Variants in BCAR1 observed in about 807,000 individuals in gnomAD.
The protein encoded by BCAR1 is BCAR1 scaffold protein, Cas family member.
BCAR1 carries 30 observed loss-of-function variants against 67.6 expected under a neutral mutation model. The ratio of observed to expected loss-of-function variants is 0.44; its 90% CI spans 0.33 to 0.60. The LOEUF (loss-of-function observed/expected upper bound fraction) is 0.60, where lower values mean the gene tolerates loss of function less well. Among genes scored for constraint, BCAR1 ranks in the 20% least tolerant of loss-of-function variants. The pLI is 0.02. For missense variants in BCAR1, 1,313 were observed against 1,222.3 expected (o/e 1.07, Z -1.11); for synonymous variants, 626 against 556.7 (o/e 1.12, Z -1.75).
chr16:75,251,829 G>A (rs924171795), upstream of BCAR1: 2 of 218,504 alleles, frequency 9.2e-6, no homozygotes, highest in African/African-American at 4.8e-5. Context: ...GCCCCTGCCC[G>A]AGGCCAGGCT....
chr16:75,229,938 G>A lies in BCAR1; in HGVS notation c.2186C>T (p.Ala729Val). The A allele has an allele frequency of 1.2e-6, 2 of 1,604,400 alleles. No individual in the cohort carries two copies. The highest frequency in any genetic ancestry group is 1.7e-6 in the Non-Finnish European group (2 of 1,173,356). The change falls in exon 7 of 7, where the codon GCC (alanine) becomes GTC (valine). Residue 729 changes from alanine to valine, a missense_variant. By Grantham distance (64) the Ala-to-Val change is moderately conservative (BLOSUM62 0). This residue lies in a region of BCAR1 where 1,272 missense variants were observed against 1,137.5 expected (regional missense o/e 1.12). Transcript: ENST00000162330. ...LANWTPAQPL[A>V]PGRTGGLGPS... The stretch of plus-strand genomic sequence containing the variant: ...CCCCAGGCCGCCTGTTCGCCCCGGG[G>A]CCAGGGGTTGGGCTGGCGTCCAGTT...
upstream of BCAR1, among the ~76,000 whole-genome samples, chr16:75,255,516 C>T (rs545643732): frequency 6.6e-6 from 1 of 151,878 alleles, no homozygotes; most frequent in Non-Finnish European, 1.5e-5. Context: ...TCCAACATGG[C>T]GAAACTCCGT....
Position 75,237,219 on chromosome 16 carries a change from C to G in BCAR1, c.759G>C (p.Pro253=). ...ACTGGCTGGGAAGCAGCCCCCGAAC[C>G]GGGGGCACATCATAGATGTCCTGTG... ...PGPQDIYDVP[P]VRGLLPSQYG... The change falls in exon 3 of 7, where the codon CCG becomes CCC. Residue 253 remains proline, a synonymous_variant. Transcript: ENST00000162330. 6.4e-7 allele frequency: 1 copy of G among 1,567,232 alleles called. No individual in the cohort carries two copies. The highest frequency in any genetic ancestry group is 1.4e-5 in the African/African-American group (1 of 73,406).
chr16:75,230,803 T>C (rs1355974839), intron 6 of BCAR1, among the ~76,000 whole-genome samples: 1 of 152,236 alleles, frequency 6.6e-6, no homozygotes, highest in Non-Finnish European at 1.5e-5. Flanking sequence ...AACCTCGCAC[T>C]GTCCCCCTTA....
chr16:75,247,820 C>T (rs1031156567), intron 1 of BCAR1: 7 of 565,106 alleles, frequency 1.2e-5, no homozygotes, highest in Non-Finnish European at 1.6e-5. Context: ...AATATGACCT[C>T]AGCACCCGCA....
Position 75,251,483 on chromosome 16 carries a change from G to A in BCAR1, c.-1C>T. Reference sequence around the variant, plus strand: ...CTGGCGCCCTCACCAGGTGGTTCATGGTGTCCGGCGGGCCTGGGGCCCCGG... The same window carrying A: ...CTGGCGCCCTCACCAGGTGGTTCATAGTGTCCGGCGGGCCTGGGGCCCCGG... On this transcript the variant is annotated 5_prime_UTR_variant, in exon 1 of 7. Transcript: ENST00000162330. The A allele has an allele frequency of 1.4e-6, 2 of 1,405,910 alleles. No homozygotes were observed. Among genetic ancestry groups the A allele is most frequent in the South Asian group, 1.5e-5 (1 of 67,136 alleles). The allele number at this position is 1,405,910 out of a possible 1,614,324, so 87.1% of individuals were successfully genotyped here. A position where few individuals can be genotyped will look rare whatever the true frequency, so the allele number is the denominator to read the frequency against.
upstream of BCAR1, among the ~76,000 whole-genome samples, chr16:75,255,229 C>T (rs1701660013): frequency 6.6e-6 from 1 of 152,202 alleles, no homozygotes; most frequent in African/African-American, 2.4e-5. Flanking sequence ...CACACAGCCC[C>T]CTCCCCTCCT....
At chr16:75,250,085 T>C (rs549963221) in intron 1 of BCAR1, 4 of 152,516 alleles carry the variant, frequency 2.6e-5, no homozygotes, top group African/African-American at 9.6e-5. Flanking sequence ...GGGGCCATGG[T>C]ACCAGTACAC....
intron 6 of BCAR1, among the ~76,000 whole-genome samples, chr16:75,230,511 A>G (rs1043155105): frequency 7.2e-5 from 11 of 152,372 alleles, no homozygotes; most frequent in African/African-American, 2.6e-4. Context: ...AGATTCAAAT[A>G]TATCAAACAG....
chr16:75,247,781 A>C, intron 1 of BCAR1: 1 of 489,080 alleles, frequency 2.0e-6, no homozygotes. Context: ...GGCCTGGCTC[A>C]TATCTGGCCT....
chr16:75,262,962 T>A (rs556745708), intron 1 of BCAR1, among the ~76,000 whole-genome samples: 2 of 152,334 alleles, frequency 1.3e-5, no homozygotes, highest in Admixed American at 1.3e-4. Context: ...GTAGAGGCCA[T>A]GCAGGACGAT....
chr16:75,253,345 G>A (rs577631965), upstream of BCAR1, among the ~76,000 whole-genome samples: 1 of 152,358 alleles, frequency 6.6e-6, no homozygotes, highest in East Asian at 1.9e-4. Context: ...GGGGAGACCA[G>A]GCCTCATGGG....
chr16:75,253,116 C>T (rs535825503), upstream of BCAR1, among the ~76,000 whole-genome samples: 82 of 151,940 alleles, frequency 5.4e-4, no homozygotes, highest in African/African-American at 1.9e-3. Context: ...CGACACAGCC[C>T]GCCTCGCCTC....
upstream of BCAR1, among the ~76,000 whole-genome samples, chr16:75,255,851 C>A (rs541445830): frequency 1.3e-5 from 2 of 152,020 alleles, no homozygotes; most frequent in African/African-American, 4.8e-5. Context: ...ATTAGCCGGG[C>A]GTGGTGGCAC....
intron 6 of BCAR1, 103 bp downstream of exon 6, chr16:75,233,743 A>G: frequency 1.6e-6 from 2 of 1,229,060 alleles, no homozygotes; most frequent in Non-Finnish European, 2.3e-6. Flanking sequence ...ACTGTCAGAC[A>G]ACATGAGAAG....
At position 75,235,213 on chromosome 16, in the gene BCAR1, G is replaced by C. The variant is rs769688166; in HGVS notation, c.1686C>G (p.Leu562=). 1.2e-6 allele frequency: 2 copies of C among 1,608,398 alleles called. No individual in the cohort carries two copies. Among genetic ancestry groups the C allele is most frequent in the African/African-American group, 1.3e-5 (1 of 74,988 alleles). The change falls in exon 5 of 7, where the codon CTC becomes CTG. Residue 562 remains leucine (L), a synonymous_variant. Coordinates refer to ENST00000162330, the MANE Select transcript of BCAR1 (RefSeq NM_014567.5). ...HQTLVAHGQA[L]DAGRGGSGAT... is the part of the protein sequence containing the mutation. The stretch of plus-strand genomic sequence containing the variant: ...CTCCAGAGCCTCCCCGGCCAGCGTC[G>C]AGGGCCTGACCATGTGCCACCAGCG...
rs573804950 is a variant in BCAR1, at chr16:75,251,285, C to T, written c.12+186G>A. 7.9e-5 allele frequency among the ~76,000 whole-genome samples: 12 copies of T among 152,114 alleles called. No individual in the cohort carries two copies. The South Asian group carries it at 2.5e-3, about 32-fold the overall frequency. On this transcript the variant is annotated intron_variant, in intron 1 of 6. Coordinates refer to ENST00000162330, the MANE Select transcript of BCAR1 (RefSeq NM_014567.5). Reference sequence around the variant, plus strand: ...CAACGCACCCGAGGCGCACAGGCTCCGGAGCCCCCGCGGTTCCTGCCTCCC... The same window carrying T: ...CAACGCACCCGAGGCGCACAGGCTCTGGAGCCCCCGCGGTTCCTGCCTCCC...
At chr16:75,248,857 T>C (rs994506817) in intron 1 of BCAR1, 4 of 152,538 alleles carry the variant, frequency 2.6e-5, no homozygotes, top group African/African-American at 9.6e-5. Flanking sequence ...AAAAGCCACC[T>C]GTGGGGTGGC....
Position 75,235,738 on chromosome 16 carries a change from G to C in BCAR1, c.1161C>G (p.Tyr387Ter). Residue 387 changes from tyrosine (Y) to a stop codon, truncating the protein, a stop_gained, in exon 5 of 7, where the codon TAC becomes TAG. Transcript: ENST00000162330. LOFTEE classifies it high-confidence loss of function. ...GLRRPGPGTL[Y>*]DVPRERVLPP... ...GAAGCACCCGTTCACGGGGCACATC[G>C]TACAGGGTGCCCGGGCCAGGCCGCC... 6.2e-7 allele frequency: 1 copy of C among 1,600,978 alleles called. No homozygotes were observed.
Sources: allele counts gnomAD v4.1 joint callset (sites outside exome capture counted in the v4.1 genomes callset), GRCh38; gene constraint gnomAD v4.1.1; regional missense constraint gnomAD v4.1.1; transcripts MANE v1.5; gene names NCBI Gene and HGNC (gene_info 2026-07-23, HGNC 2026-07-21).